The following EYS variants were observed in gnomAD, a reference collection of about 807,000 sequenced individuals.
EYS encodes the protein EGF-like photoreceptor maintenance factor, also known as protein eyes shut homolog.
Under a neutral mutation model 282.1 loss-of-function variants are expected in EYS, and 250 were observed. That is an observed-to-expected ratio of 0.89 (90% CI 0.80 to 0.98). EYS has a LOEUF of 0.98. Among genes scored for constraint, EYS ranks in the 50% least tolerant of loss-of-function variants. The pLI, the probability that EYS is intolerant of heterozygous loss-of-function variation, is 0.00. For missense variants in EYS, 4,016 were observed against 3,709.0 expected (o/e 1.08, Z -2.15); for synonymous variants, 1,355 against 1,282.9 (o/e 1.06, Z -1.20).
At chr6:64,844,917 GC>G (rs1765673459) in intron 19 of EYS, among the ~76,000 whole-genome samples, 1 of 152,024 alleles carries the variant, frequency 6.6e-6, no homozygotes, top group Non-Finnish European at 1.5e-5. Context: ...TGATATTATA[GC>G]CATCTACTCA....
intron 12 of EYS, among the ~76,000 whole-genome samples, chr6:65,105,361 T>G (rs996541968): frequency 1.3e-5 from 2 of 151,788 alleles, no homozygotes; most frequent in African/African-American, 4.8e-5. Flanking sequence ...AAATTGTAAT[T>G]ATATAAAACA....
At chr6:64,588,238 A>C (rs2149829483) in intron 26 of EYS, among the ~76,000 whole-genome samples, 1 of 152,220 alleles carries the variant, frequency 6.6e-6, no homozygotes, top group Non-Finnish European at 1.5e-5. Flanking sequence ...GAATTCCATA[A>C]GAATTTTAGT....
At chr6:65,220,223 A>T (rs1766425758) in intron 12 of EYS, among the ~76,000 whole-genome samples, 1 of 152,166 alleles carries the variant, frequency 6.6e-6, no homozygotes, top group Admixed American at 6.6e-5. Context: ...TTTTAAAAGT[A>T]TCACCAAATC....
intron 5 of EYS, among the ~76,000 whole-genome samples, chr6:65,439,885 C>T (rs767201047): frequency 6.6e-6 from 1 of 152,024 alleles, no homozygotes; most frequent in Non-Finnish European, 1.5e-5. Context: ...TATCTTTAAA[C>T]AGCAGCTGAT....
At position 64,206,716 on chromosome 6, in the gene EYS, T is replaced by C. The variant is rs140215985; in HGVS notation, c.6424+23876A>G. 7.6e-3 allele frequency among the ~76,000 whole-genome samples: 1,163 copies of C among 152,330 alleles called. 9 individuals are homozygous for C. Among genetic ancestry groups the C allele is most frequent in the Non-Finnish European group, 9.0e-3 (610 of 68,018 alleles). On this transcript the variant is annotated intron_variant, in intron 31 of 42. Transcript: ENST00000503581. The stretch of plus-strand genomic sequence containing the variant: ...CGTGACAGGCTTAACCGTCTTACAC[T>C]ATATTGATTGTGGCAACTCAGATTA...
intron 12 of EYS, among the ~76,000 whole-genome samples, chr6:65,251,108 T>C (rs1041059592): frequency 1.3e-5 from 2 of 148,518 alleles, no homozygotes; most frequent in Non-Finnish European, 3.0e-5. Flanking sequence ...TTTGTATGAA[T>C]AGACAAATGT....
intron 28 of EYS, among the ~76,000 whole-genome samples, chr6:64,415,657 T>C (rs1194440729): frequency 6.6e-6 from 1 of 152,190 alleles, no homozygotes; most frequent in Non-Finnish European, 1.5e-5. Flanking sequence ...TGTTCCATTA[T>C]TTTAAGCTGC....
At chr6:64,674,542 T>C (rs939502869) in intron 22 of EYS, among the ~76,000 whole-genome samples, 1 of 152,128 alleles carries the variant, frequency 6.6e-6, no homozygotes, top group Non-Finnish European at 1.5e-5. Flanking sequence ...TTTAAAATTA[T>C]GAAGTGATGG....
chr6:65,081,344 T>C (rs1183376048), intron 12 of EYS, among the ~76,000 whole-genome samples: 1 of 152,044 alleles, frequency 6.6e-6, no homozygotes, highest in Non-Finnish European at 1.5e-5. Context: ...AACAGGGACA[T>C]GTTGGAGCCT....
chr6:65,510,622 T>C (rs1766832894), intron 2 of EYS, among the ~76,000 whole-genome samples: 1 of 152,156 alleles, frequency 6.6e-6, no homozygotes, highest in South Asian at 2.1e-4. Context: ...GATGTAAAAG[T>C]CCATTATTAT....
At chr6:63,852,030 A>C (rs1772267622) in intron 36 of EYS, among the ~76,000 whole-genome samples, 1 of 151,062 alleles carries the variant, frequency 6.6e-6, no homozygotes, top group African/African-American at 2.4e-5. Flanking sequence ...AGTGGCGGGC[A>C]CCTGTAGTCC....
chr6:64,493,644 T>C (rs1776801243), intron 26 of EYS, among the ~76,000 whole-genome samples: 4 of 151,642 alleles, frequency 2.6e-5, no homozygotes, highest in South Asian at 4.1e-4. Flanking sequence ...CTGTATTCCA[T>C]TGTATTCTTT....
In EYS at chr6:64,048,751, G is replaced by C. The variant is rs550071144; in HGVS notation, c.6725+17587C>G. ...CCACTCTTTTGGAAATCTGGTTTCTGTTTCCTCTGATTGATACTAAATATT... is the reference window on the plus strand; with the variant it reads ...CCACTCTTTTGGAAATCTGGTTTCTCTTTCCTCTGATTGATACTAAATATT... On this transcript the variant is annotated intron_variant, in intron 33 of 42. Transcript: ENST00000503581. Among the ~76,000 whole-genome samples the C allele has an allele frequency of 7.1e-4, 107 of 150,912 alleles. 1 individual carries two copies. The highest frequency in any genetic ancestry group is 4.5e-3 in the Admixed American group (68 of 15,130).
intron 5 of EYS, among the ~76,000 whole-genome samples, chr6:65,485,331 T>C (rs1371025341): frequency 6.6e-6 from 1 of 152,248 alleles, no homozygotes; most frequent in Non-Finnish European, 1.5e-5. Flanking sequence ...GCTAGGTGCA[T>C]AAGCAGAAGG....
chr6:64,755,985 C>T (rs1772924959), intron 22 of EYS, among the ~76,000 whole-genome samples: 1 of 152,042 alleles, frequency 6.6e-6, no homozygotes, highest in African/African-American at 2.4e-5. Context: ...CATTCAAACC[C>T]ACATCAAAAT....
In EYS at chr6:65,443,194, T is replaced by C. The variant is rs141418590; in HGVS notation, c.863-37827A>G. Among the ~76,000 whole-genome samples the C allele has an allele frequency of 5.5e-4, 83 of 151,950 alleles. 3 individuals are homozygous for C. The highest frequency in any genetic ancestry group is 1.9e-3 in the African/African-American group (79 of 41,494). ...CATATGTGCACATCATATACATATGTGCGCACATATATGTATGCATCATAT... is the reference window on the plus strand; with the variant it reads ...CATATGTGCACATCATATACATATGCGCGCACATATATGTATGCATCATAT... On this transcript the variant is annotated intron_variant, in intron 5 of 42. Coordinates refer to ENST00000503581, the MANE Select transcript of EYS (RefSeq NM_001142800.2).
chr6:65,407,217 C>A (rs1766785423), intron 5 of EYS, among the ~76,000 whole-genome samples: 1 of 152,034 alleles, frequency 6.6e-6, no homozygotes, highest in African/African-American at 2.4e-5. Flanking sequence ...GGTCATGTAA[C>A]TAGACTTGCT....
Position 64,558,053 on chromosome 6 carries a change from A to G in EYS, c.5644+32170T>C, listed in dbSNP as rs371054515. 9.2e-5 allele frequency among the ~76,000 whole-genome samples: 14 copies of G among 152,236 alleles called. No homozygotes were observed. In the East Asian group the frequency reaches 1.9e-3, roughly 21 times the overall value. On this transcript the variant is annotated intron_variant, in intron 26 of 42. Transcript: ENST00000503581. ...AAAGGTGCCCTTTCTTTTTAGTAGT[A>G]TAGGATAAAAGGAAAGAATTCTCTT...
intron 22 of EYS, among the ~76,000 whole-genome samples, chr6:64,663,704 A>G (rs532898594): frequency 9.9e-5 from 15 of 152,258 alleles, no homozygotes; most frequent in African/African-American, 3.6e-4. Flanking sequence ...TGCCTCAACC[A>G]AACAGAAGGA....
Sources: gnomAD v4.1 joint callset for allele counts (sites outside exome capture counted in the v4.1 genomes callset) on GRCh38, gnomAD v4.1.1 for gene constraint, MANE v1.5 for transcripts, NCBI Gene and HGNC (gene_info 2026-07-23, HGNC 2026-07-21) for gene names.